CAST: variants seen among roughly 807,000 people sequenced by gnomAD.
The protein encoded by CAST is MIR583 host.
CAST carries 76 observed loss-of-function variants against 119.6 expected under a neutral mutation model. That is an observed-to-expected ratio of 0.64 (90% CI 0.53 to 0.77). The LOEUF (loss-of-function observed/expected upper bound fraction) is 0.77. CAST is among the 30% of genes least tolerant of loss of function. The probability of loss-of-function intolerance (pLI) is 0.00; values close to 1 mark genes in which losing one functional copy is unlikely to be tolerated. For missense variants in CAST, 953 were observed against 946.5 expected, an observed-to-expected ratio of 1.01 and a Z score of -0.09; for synonymous variants, 319 against 331.6, an observed-to-expected ratio of 0.96 and a Z score of 0.41.
chr5:95,979,220 A>C, the CAST span, among the ~76,000 whole-genome samples: 1 of 152,208 alleles, frequency 6.6e-6, no homozygotes, highest in African/African-American at 2.4e-5. Context: ...ACCATTACTA[A>C]GAACTTTATG....
the CAST span, among the ~76,000 whole-genome samples, chr5:96,322,637 A>T: frequency 1.3e-5 from 2 of 152,200 alleles, no homozygotes; most frequent in African/African-American, 4.8e-5. Context: ...CCAAATGTGC[A>T]GGAGCTTCTG....
the CAST span, among the ~76,000 whole-genome samples, chr5:96,075,132 T>G: frequency 2.6e-4 from 40 of 152,352 alleles, no homozygotes; most frequent in Middle Eastern, 3.4e-3. Flanking sequence ...AATTTGTTCA[T>G]TGGCTCACAG....
At chr5:96,688,181 ATG>A (rs1245590985) in intron 2 of CAST, among the ~76,000 whole-genome samples, 2 of 152,178 alleles carry the variant, frequency 1.3e-5, no homozygotes, top group East Asian at 3.8e-4. Context: ...ACATGTTAGG[ATG>A]TGTGTGTGTT....
rs372776050 is a variant in CAST at position 96,651,279 on chromosome 5, G to T, written c.61-24260G>T. Among the ~76,000 whole-genome samples the T allele has an allele frequency of 3.3e-4, 51 of 152,316 alleles. 1 individual carries two copies. In the East Asian group the frequency reaches 6.7e-3, roughly 20 times the overall value. On this transcript the variant is annotated intron_variant, in intron 1 of 11. Coordinates refer to the CAST transcript ENST00000505143. ...AGAACTTCGGTTTCTCCACCACACT[G>T]CAGAGGATGAACCTTCAGCCTCTGA...
At chr5:96,454,090 CT>C in the CAST span, among the ~76,000 whole-genome samples, 6 of 151,822 alleles carry the variant, frequency 4.0e-5, no homozygotes, top group East Asian at 1.9e-4. Context: ...CCAAATATAT[CT>C]TTTTTTTTCC....
chr5:96,063,343 C>A, the CAST span, among the ~76,000 whole-genome samples: 1 of 152,112 alleles, frequency 6.6e-6, no homozygotes, highest in Non-Finnish European at 1.5e-5. Flanking sequence ...AAGTCTCAAT[C>A]CCTTGAGACT....
the CAST span, among the ~76,000 whole-genome samples, chr5:96,160,217 A>T: frequency 6.6e-6 from 1 of 152,034 alleles, no homozygotes; most frequent in East Asian, 1.9e-4. Context: ...TAATTTTGGA[A>T]CATCTCACCG....
the CAST span, among the ~76,000 whole-genome samples, chr5:96,069,655 C>CTTTTT: frequency 5.3e-3 from 412 of 78,422 alleles, 2 homozygotes; most frequent in Middle Eastern, 0.015. Context: ...GGTAATTAAA[C>CTTTTT]TTTTTTTTTT....
At chr5:96,600,833 T>G (rs903514285) in intron 1 of CAST, among the ~76,000 whole-genome samples, 2 of 152,236 alleles carry the variant, frequency 1.3e-5, no homozygotes, top group African/African-American at 4.8e-5. Context: ...TACTGATTAT[T>G]TAACATTCAA....
At chr5:96,459,327 G>A in the CAST span, among the ~76,000 whole-genome samples, 5 of 152,030 alleles carry the variant, frequency 3.3e-5, no homozygotes, top group African/African-American at 1.2e-4. Flanking sequence ...TTTCTCTCAT[G>A]GTCGTATATT....
chr5:96,770,284 G>A lies in CAST; in HGVS notation c.2269-247G>A, dbSNP rs1358967584. 1.7e-5 allele frequency: 8 copies of A among 470,554 alleles called. No individual in the cohort carries two copies. In the South Asian group the frequency reaches 1.9e-4, roughly 11 times the overall value. The allele number at this position is 470,554 out of a possible 1,614,324, so 29.1% of individuals were successfully genotyped here. ...GCAAAATAAGGTCTGGGTGAGTCAG[G>A]CACCACGGGAATTAGAGCATCAATG... On this transcript the variant is annotated intron_variant, in intron 29 of 31. Transcript: ENST00000675179.
chr5:96,693,737 T>A (rs1752982832), intron 2 of CAST, among the ~76,000 whole-genome samples: 1 of 152,246 alleles, frequency 6.6e-6, no homozygotes, highest in Non-Finnish European at 1.5e-5. Context: ...TTGTTATTAT[T>A]TGTGATAATT....
chr5:96,111,146 G>T, the CAST span: 1 of 152,174 alleles, frequency 6.6e-6, no homozygotes, highest in African/African-American at 2.4e-5. Flanking sequence ...CTGATAATTT[G>T]CTATAACCAC....
intron 27 of CAST, 67 bp downstream of exon 27, chr5:96,766,212 A>C: frequency 2.3e-6 from 2 of 872,600 alleles, no homozygotes; most frequent in Non-Finnish European, 3.9e-6. Context: ...ACCTCCCTTG[A>C]AATAAATAGT....
At chr5:96,439,038 T>G in the CAST span, among the ~76,000 whole-genome samples, 1 of 152,180 alleles carries the variant, frequency 6.6e-6, no homozygotes, top group Non-Finnish European at 1.5e-5. Context: ...TATTAACCTA[T>G]CACTTTCCAC....
At chr5:96,662,353 ACTCCCCGCCAGGC>A (rs1318759680), upstream of CAST, 41 of 380,334 alleles carry the variant, frequency 1.1e-4, no homozygotes, top group Non-Finnish European at 1.3e-4. Context: ...CCCTGGCAGG[ACTCCCCGCCAGGC>A]CTCCCCGCCA....
At chr5:96,632,916 G>C (rs560220742) in intron 1 of CAST, among the ~76,000 whole-genome samples, 11 of 152,126 alleles carry the variant, frequency 7.2e-5, no homozygotes, top group Non-Finnish European at 1.6e-4. Flanking sequence ...CTTGCCGTTG[G>C]AAATTTGATA....
At chr5:96,058,997 C>T in the CAST span, among the ~76,000 whole-genome samples, 32 of 152,200 alleles carry the variant, frequency 2.1e-4, no homozygotes, top group South Asian at 4.6e-3. Context: ...AACAGAATGA[C>T]GAAAACTTTA....
At chr5:96,417,156 A>G in the CAST span, among the ~76,000 whole-genome samples, 1 of 152,196 alleles carries the variant, frequency 6.6e-6, no homozygotes, top group East Asian at 1.9e-4. Flanking sequence ...CTATTAATTC[A>G]GCATAGCATG....
Sources: gnomAD v4.1 joint callset for allele counts (sites outside exome capture counted in the v4.1 genomes callset) on GRCh38, gnomAD v4.1.1 for gene constraint, MANE v1.5 for transcripts, NCBI Gene and HGNC (gene_info 2026-07-23, HGNC 2026-07-21) for gene names.